The following ATP11C variants were observed in gnomAD, a reference collection of about 807,000 sequenced individuals.
ATP11C encodes ATPase phospholipid transporting 11C (ATP11C blood group), also known as phospholipid-transporting ATPase IG.
In ATP11C, 36 loss-of-function variants were observed where a neutral mutation model predicts 97.4. The ratio of observed to expected loss-of-function variants is 0.37; its 90% CI spans 0.28 to 0.49. The LOEUF (loss-of-function observed/expected upper bound fraction) is 0.49. Among genes scored for constraint, ATP11C ranks in the 20% least tolerant of loss-of-function variants. The pLI, the probability that ATP11C is intolerant of heterozygous loss-of-function variation, is 0.98. For missense variants in ATP11C, 730 were observed against 824.6 expected (o/e 0.89, Z 1.40); for synonymous variants, 275 against 290.9 (o/e 0.95, Z 0.56).
intron 5 of ATP11C, among the ~76,000 whole-genome samples, chrX:139,806,095 G>A (rs1360767762): frequency 9.0e-6 from 1 of 111,553 alleles, no homozygotes; most frequent in African/African-American, 3.3e-5. Flanking sequence ...CACAAAGAGA[G>A]CATTTTTTCA....
intron 23 of ATP11C, among the ~76,000 whole-genome samples, chrX:139,753,826 G>C (rs1206660786): frequency 9.1e-6 from 1 of 109,693 alleles, no homozygotes; most frequent in Non-Finnish European, 1.9e-5. Context: ...AAAGGGAAAG[G>C]GAAAGGGAAG....
chrX:139,911,768 G>T (rs2085078929), intron 1 of ATP11C, among the ~76,000 whole-genome samples: 1 of 111,124 alleles, frequency 9.0e-6, no homozygotes, highest in South Asian at 3.8e-4. Flanking sequence ...AAAATCCTGT[G>T]AACAACCCAA....
intron 19 of ATP11C, 100 bp from the exon 20 acceptor site, chrX:139,768,534 G>T: frequency 1.9e-6 from 1 of 530,938 alleles, no homozygotes; most frequent in Non-Finnish European, 2.7e-6. Context: ...CTCAGATAAG[G>T]GGAGTCATCA....
chrX:139,878,620 G>C (rs2084514573), intron 1 of ATP11C, among the ~76,000 whole-genome samples: 1 of 111,614 alleles, frequency 9.0e-6, no homozygotes, highest in African/African-American at 3.3e-5. Flanking sequence ...AGAAGCAAGT[G>C]TAAAATGCTA....
chrX:139,834,189 TTC>T (rs1417342194), intron 1 of ATP11C, among the ~76,000 whole-genome samples: 1 of 111,899 alleles, frequency 8.9e-6, no homozygotes, highest in African/African-American at 3.3e-5. Context: ...GAAAACACTG[TTC>T]TTCAGTGTTC....
chrX:139,896,544 TATAC>T (rs1406606548), intron 1 of ATP11C, among the ~76,000 whole-genome samples: 1 of 67,404 alleles, frequency 1.5e-5, no homozygotes, highest in East Asian at 5.2e-4. Flanking sequence ...CAGTTAATTT[TATAC>T]ACACACACAC....
At chrX:139,786,972 G>A (rs1005245974) in intron 15 of ATP11C, among the ~76,000 whole-genome samples, 3 of 112,150 alleles carry the variant, frequency 2.7e-5, no homozygotes, top group Non-Finnish European at 5.6e-5. Context: ...GAACCAGATT[G>A]GAATTTCCAC....
chrX:139,854,621 T>G (rs1001925758), intron 1 of ATP11C, among the ~76,000 whole-genome samples: 7 of 112,289 alleles, frequency 6.2e-5, no homozygotes, highest in Non-Finnish European at 1.3e-4. Context: ...AAGTGTCTTA[T>G]AAAAAGGAAT....
At chrX:139,881,102 T>C (rs1479241051) in intron 1 of ATP11C, among the ~76,000 whole-genome samples, 2 of 111,923 alleles carry the variant, frequency 1.8e-5, no homozygotes, top group Non-Finnish European at 3.8e-5. Context: ...AAAAGAACTC[T>C]AGCTACCATT....
chrX:139,734,247 T>G (rs747651305), intron 28 of ATP11C, among the ~76,000 whole-genome samples: 1 of 111,575 alleles, frequency 9.0e-6, no homozygotes, highest in Admixed American at 9.5e-5. Context: ...TCTCCAAAAT[T>G]TCCAAAATGC....
At chrX:139,891,371 A>C (rs966016783) in intron 1 of ATP11C, among the ~76,000 whole-genome samples, 1 of 111,620 alleles carries the variant, frequency 9.0e-6, no homozygotes, top group Admixed American at 9.5e-5. Context: ...ACAAACCTAC[A>C]CATGTACCCC....
intron 1 of ATP11C, among the ~76,000 whole-genome samples, chrX:139,888,138 ATT>A (rs778530689): frequency 2.0e-5 from 2 of 102,023 alleles, no homozygotes. Context: ...AAGCTGTATA[ATT>A]TTTTTTTTTT....
rs781192548 is a variant in ATP11C at position 139,919,056 on chromosome X, C to T, written c.27+12960G>A. 4.5e-5 allele frequency among the ~76,000 whole-genome samples: 5 copies of T among 111,437 alleles called. No homozygotes were observed. The East Asian group carries it at 8.5e-4, about 19-fold the overall frequency. Reference sequence around the variant, plus strand: ...GGGAGTTCAAGACCAGCCTGGCCAACATGGCGAAACCCTGTCTCTAATAAA... The same window carrying T: ...GGGAGTTCAAGACCAGCCTGGCCAATATGGCGAAACCCTGTCTCTAATAAA... On this transcript the variant is annotated intron_variant, in intron 1 of 29. Transcript: ENST00000682941.
intron 12 of ATP11C, among the ~76,000 whole-genome samples, chrX:139,791,377 C>G (rs976900265): frequency 7.2e-5 from 8 of 111,694 alleles, no homozygotes; most frequent in Non-Finnish European, 1.1e-4. Context: ...TTGTTAGTGT[C>G]AAAGATGGTA....
chrX:139,732,231 T>C (rs770095817), intron 28 of ATP11C, among the ~76,000 whole-genome samples: 2 of 111,256 alleles, frequency 1.8e-5, no homozygotes, highest in South Asian at 3.8e-4. Context: ...TACAGACCCG[T>C]AGTCCAAGCT....
At chrX:139,900,478 A>G (rs1260848397) in intron 1 of ATP11C, among the ~76,000 whole-genome samples, 4 of 112,375 alleles carry the variant, frequency 3.6e-5, no homozygotes, top group African/African-American at 1.3e-4. Context: ...TCCTTTTACA[A>G]TAAACATTTT....
In ATP11C at chrX:139,782,240, C is replaced by T. The variant is rs767801749; in HGVS notation, c.1952+307G>A. Among the ~76,000 whole-genome samples, 23 of 108,156 alleles carry T rather than the reference C, an allele frequency of 2.1e-4. No homozygotes were observed. The East Asian group carries it at 3.8e-3, about 18-fold the overall frequency. The allele number at this position is 108,156 out of a possible 115,157, so 93.9% of individuals were successfully genotyped here. A position where few individuals can be genotyped will look rare whatever the true frequency, so the allele number is the denominator to read the frequency against. On this transcript the variant is annotated intron_variant, in intron 18 of 29. Transcript: ENST00000682941. The stretch of plus-strand genomic sequence containing the variant: ...TACCCTGGAGGCTGGGGCAGGAGAA[C>T]GGCGTGAACCTGGGAGGTGGAGCTG...
chrX:139,798,454 A>G (rs1365977496), intron 9 of ATP11C, 100 bp from the exon 10 acceptor site: 2 of 624,080 alleles, frequency 3.2e-6, no homozygotes, highest in Non-Finnish European at 5.0e-6. Flanking sequence ...TGGGAAATCT[A>G]GGCCCTCTTC....
At chrX:139,740,720 A>G (rs897306732) in intron 27 of ATP11C, among the ~76,000 whole-genome samples, 1 of 111,323 alleles carries the variant, frequency 9.0e-6, no homozygotes, top group Non-Finnish European at 1.9e-5. Flanking sequence ...GTTTCACTAG[A>G]GAGATGTTTA....
Sources: allele counts gnomAD v4.1 joint callset (sites outside exome capture counted in the v4.1 genomes callset), GRCh38; gene constraint gnomAD v4.1.1; transcripts MANE v1.5; gene names NCBI Gene and HGNC (gene_info 2026-07-23, HGNC 2026-07-21).